Variants in HEXB observed in about 807,000 individuals in gnomAD.
HEXB encodes the protein beta-hexosaminidase subunit beta.
In HEXB, 51 loss-of-function variants were observed where a neutral mutation model predicts 71.2. The ratio of observed to expected loss-of-function variants is 0.72; its 90% CI spans 0.57 to 0.90. The LOEUF (loss-of-function observed/expected upper bound fraction) is 0.90, where lower values mean the gene tolerates loss of function less well. Ranked by LOEUF, HEXB falls within the 40% of genes least tolerant of loss-of-function variation. The pLI, the probability that HEXB is intolerant of heterozygous loss-of-function variation, is 0.00. For synonymous variants in HEXB, 266 were observed against 249.3 expected (o/e 1.07, Z -0.63); for missense variants, 617 against 677.0 (o/e 0.91, Z 0.98).
chr5:74,695,789 C>T (rs573765866), intron 3 of HEXB, among the ~76,000 whole-genome samples: 15 of 148,578 alleles, frequency 1.0e-4, no homozygotes, highest in African/African-American at 9.9e-5. Context: ...TACAATGAGC[C>T]GAGATCGCGC....
chr5:74,679,798 CAAAAAAAAAAAAAAAAA>C (rs70976121), intron 1 of HEXB, among the ~76,000 whole-genome samples: 1 of 38,890 alleles, frequency 2.6e-5, no homozygotes, highest in East Asian at 7.9e-4. Context: ...GACTCCGTCT[CAAAAAAAAAAAAAAAAA>C]AAAAAAAAAA....
chr5:74,654,847 G>A (rs1748187475), intron 1 of HEXB, among the ~76,000 whole-genome samples: 1 of 152,198 alleles, frequency 6.6e-6, no homozygotes, highest in South Asian at 2.1e-4. Context: ...CAATGATGAG[G>A]GGCTACACTA....
chr5:74,703,736 G>C (rs1749315434), intron 5 of HEXB, among the ~76,000 whole-genome samples: 1 of 152,166 alleles, frequency 6.6e-6, no homozygotes, highest in Non-Finnish European at 1.5e-5. Flanking sequence ...TATGAGCTCA[G>C]CTTACTGCAG....
intron 5 of HEXB, among the ~76,000 whole-genome samples, chr5:74,698,534 G>A (rs926080940): frequency 6.6e-6 from 1 of 151,868 alleles, no homozygotes; most frequent in Non-Finnish European, 1.5e-5. Flanking sequence ...TGGGATTACA[G>A]GTGCACACCA....
At chr5:74,692,786 C>T (rs947790393) in intron 2 of HEXB, among the ~76,000 whole-genome samples, 4 of 152,178 alleles carry the variant, frequency 2.6e-5, no homozygotes, top group Non-Finnish European at 4.4e-5. Context: ...GTGTCTTTGC[C>T]GTGGCAAAGT....
In HEXB at chr5:74,702,726, C is replaced by T. The variant is rs111625061; in HGVS notation, c.670-2493C>T. On this transcript the variant is annotated intron_variant, in intron 5 of 13. Coordinates refer to ENST00000261416, the MANE Select transcript of HEXB (RefSeq NM_000521.4). Reference sequence around the variant, plus strand: ...CCATTCTTCATCCAGCGTTCACTCACTAGTTTTAGCATCCACAGATGATTC... The same window carrying T: ...CCATTCTTCATCCAGCGTTCACTCATTAGTTTTAGCATCCACAGATGATTC... Among the ~76,000 whole-genome samples the T allele has an allele frequency of 2.6e-3, 401 of 152,322 alleles. 2 individuals carry two copies. Among genetic ancestry groups the T allele is most frequent in the African/African-American group, 9.0e-3 (374 of 41,572 alleles).
intron 7 of HEXB, among the ~76,000 whole-genome samples, chr5:74,714,549 G>A (rs999909009): frequency 5.3e-5 from 8 of 152,156 alleles, no homozygotes; most frequent in Admixed American, 2.0e-4. Flanking sequence ...CAGAGTAGGA[G>A]GCATTATAGG....
intron 1 of HEXB, among the ~76,000 whole-genome samples, chr5:74,651,339 T>C (rs9942341): frequency 0.81 from 123,433 of 152,250 alleles, 50,663 homozygotes; most frequent in African/African-American, 0.95. Context: ...ACAGTAGTAA[T>C]GTAACTATTT....
chr5:74,701,253 C>T (rs1580386255), intron 5 of HEXB, among the ~76,000 whole-genome samples: 1 of 152,118 alleles, frequency 6.6e-6, no homozygotes, highest in Admixed American at 6.5e-5. Context: ...GGGAAGTATG[C>T]TTAGAATCCT....
intron 1 of HEXB, among the ~76,000 whole-genome samples, chr5:74,675,989 T>G (rs891836344): frequency 6.6e-6 from 1 of 152,188 alleles, no homozygotes; most frequent in Non-Finnish European, 1.5e-5. Context: ...AGTATAAGAC[T>G]TTGGTGACAA....
chr5:74,706,768 T>G (rs1749405385), intron 6 of HEXB, among the ~76,000 whole-genome samples: 1 of 152,218 alleles, frequency 6.6e-6, no homozygotes, highest in African/African-American at 2.4e-5. Context: ...TTGCCCAGGC[T>G]TGCTTAGGTA....
chr5:74,694,886 C>T (rs543159344), intron 3 of HEXB, among the ~76,000 whole-genome samples: 2 of 152,120 alleles, frequency 1.3e-5, no homozygotes, highest in African/African-American at 4.8e-5. Context: ...AGGAGAATTG[C>T]TTGAACCTGG....
chr5:74,719,940 CA>C (rs71600436), intron 11 of HEXB: 4,313 of 79,862 alleles, frequency 0.054, 121 homozygotes, highest in African/African-American at 0.17. Context: ...GACTCCATCT[CA>C]AAAAAAAAAA....
chr5:74,697,324 A>G (rs1207746245), intron 5 of HEXB, among the ~76,000 whole-genome samples: 3 of 152,234 alleles, frequency 2.0e-5, no homozygotes, highest in African/African-American at 7.2e-5. Context: ...AGCCACGTAT[A>G]ACATGTATTT....
At chr5:74,680,438 A>G (rs981249487), upstream of HEXB, among the ~76,000 whole-genome samples, 1 of 152,174 alleles carries the variant, frequency 6.6e-6, no homozygotes, top group East Asian at 1.9e-4. Flanking sequence ...ACTAAGAGGA[A>G]CTGTACTTGA....
chr5:74,652,224 A>G lies in HEXB; in HGVS notation c.-377+11666A>G, dbSNP rs1356209385. Among the ~76,000 whole-genome samples, 2 of 152,232 alleles carry G rather than the reference A, an allele frequency of 1.3e-5. No homozygotes were observed. Among genetic ancestry groups the G allele is most frequent in the Non-Finnish European group, 2.9e-5 (2 of 68,048 alleles). ...CTCTCAACAATCCCAGGAGGTAGAT[A>G]CTATCATTATCTCCATTTTGCTCAT... On this transcript the variant is annotated intron_variant, in intron 1 of 13. Transcript: ENST00000511181. This position sits in a 1 kb window ranked among gnomAD's most constrained non-coding sequence, Gnocchi z 5.4.
intron 1 of HEXB, among the ~76,000 whole-genome samples, chr5:74,663,994 G>A (rs1580365830): frequency 6.6e-6 from 1 of 152,154 alleles, no homozygotes; most frequent in African/African-American, 2.4e-5. Context: ...GGTGGCACAC[G>A]CCTCTAATCC....
chr5:74,652,378 T>C lies in HEXB; in HGVS notation c.-377+11820T>C, dbSNP rs1748130461. On this transcript the variant is annotated intron_variant, in intron 1 of 13. Transcript: ENST00000511181. This position sits in a 1 kb window ranked among gnomAD's most constrained non-coding sequence, Gnocchi z 5.4. The stretch of plus-strand genomic sequence containing the variant: ...GTGTGTGGGCCTCCTGGCCCACGTG[T>C]CCAGCAAGCAAGCCACTCCTGAATA... Among the ~76,000 whole-genome samples, 1 of 152,232 alleles carries C rather than the reference T, an allele frequency of 6.6e-6. No individual in the cohort carries two copies. The highest frequency in any genetic ancestry group is 1.5e-5 in the Non-Finnish European group (1 of 68,044).
intron 5 of HEXB, among the ~76,000 whole-genome samples, chr5:74,704,321 G>A (rs912855793): frequency 1.3e-5 from 2 of 151,904 alleles, no homozygotes; most frequent in Non-Finnish European, 2.9e-5. Context: ...TGATGAAGAG[G>A]GAGTCTTTAA....
Sources: allele counts gnomAD v4.1 joint callset (sites outside exome capture counted in the v4.1 genomes callset), GRCh38; gene constraint gnomAD v4.1.1; non-coding constraint Gnocchi (gnomAD v3.1); transcripts MANE v1.5; gene names NCBI Gene and HGNC (gene_info 2026-07-23, HGNC 2026-07-21).